Variants in BRS3 observed in about 807,000 individuals in gnomAD.
BRS3 encodes the protein bombesin receptor subtype-3.
A neutral mutation model predicts 18.8 loss-of-function variants in BRS3; 5 were observed. That is an observed-to-expected ratio of 0.27 (90% confidence interval 0.14 to 0.56). BRS3 has a LOEUF of 0.56. Ranked by LOEUF, BRS3 falls within the 20% of genes least tolerant of loss-of-function variation. The pLI, the probability that BRS3 is intolerant of heterozygous loss-of-function variation, is 0.93. For synonymous variants in BRS3, 121 were observed against 115.0 expected (o/e 1.05, Z -0.33); for missense variants, 215 against 296.3 (o/e 0.73, Z 2.01).
chrX:136,490,119 T>A lies in BRS3; in HGVS notation c.435-14T>A, dbSNP rs773147695. On this transcript the variant is annotated splice_polypyrimidine_tract_variant and intron_variant, in intron 1 of 2. Transcript: ENST00000370648. ...CATTTATTTGGACCTTTGCCTCTGA[T>A]TATGTGTTTCTAGATACAAGGCAGT... 1 of 1,164,746 alleles carries A rather than the reference T, an allele frequency of 8.6e-7. No individual in the cohort carries two copies. Among genetic ancestry groups the A allele is most frequent in the African/African-American group, 1.8e-5 (1 of 55,633 alleles).
chrX:136,492,525 C>T lies in BRS3; in HGVS notation c.*150C>T. On this transcript the variant is annotated 3_prime_UTR_variant, in exon 3 of 3. Coordinates refer to ENST00000370648, the MANE Select transcript of BRS3 (RefSeq NM_001727.2). Reference sequence around the variant, plus strand: ...CCCTATAAGTAAGTAAAATACAAACCATTACTTTCTTCAAAGTACAAATAG... The same window carrying T: ...CCCTATAAGTAAGTAAAATACAAACTATTACTTTCTTCAAAGTACAAATAG... The T allele has an allele frequency of 1.9e-6, 1 of 515,644 alleles. No individual in the cohort carries two copies. Among genetic ancestry groups the T allele is most frequent in the Non-Finnish European group, 2.9e-6 (1 of 344,806 alleles). The allele number at this position is 515,644 out of a possible 1,213,427, so 42.5% of individuals were successfully genotyped here. A position where few individuals can be genotyped will look rare whatever the true frequency, so the allele number is the denominator to read the frequency against.
chrX:136,488,667 T>C, intron 1 of BRS3, 119 bp downstream of exon 1: 1 of 721,455 alleles, frequency 1.4e-6, no homozygotes, highest in Non-Finnish European at 2.0e-6. Context: ...GTAACGTGGA[T>C]GTGAGATTGG....
Position 136,488,029 on chromosome X carries a change from C to T in BRS3, c.-86C>T, listed in dbSNP as rs1336333829. 7 of 893,586 alleles carry T rather than the reference C, an allele frequency of 7.8e-6. No homozygotes were observed. The highest frequency in any genetic ancestry group is 1.1e-5 in the Non-Finnish European group (7 of 641,568). 73.6% of individuals were successfully genotyped at this position (893,586 alleles called of 1,213,427 possible). A position where few individuals can be genotyped will look rare whatever the true frequency, so the allele number is the denominator to read the frequency against. ...CTGTTCTGTTCTCCTAATACCATCT[C>T]GTTACTAGACGTAGGCATTGGACGT... On this transcript the variant is annotated 5_prime_UTR_variant, in exon 1 of 3. Coordinates refer to ENST00000370648, the MANE Select transcript of BRS3 (RefSeq NM_001727.2).
At position 136,488,272 on chromosome X, in the gene BRS3, C is replaced by T; in HGVS notation, c.158C>T (p.Thr53Ile). Reference sequence around the variant, plus strand: ...GAAGCATTGTGTGCCATCTATATTACTTATGCTGTGATCATTTCAGTGGGC... The same window carrying T: ...GAAGCATTGTGTGCCATCTATATTATTTATGCTGTGATCATTTCAGTGGGC... ...GIEALCAIYI[T>I]YAVIISVGIL... The change falls in exon 1 of 3, where the codon ACT (threonine) becomes ATT (isoleucine). Residue 53 changes from threonine (T) to isoleucine (I), a missense_variant. Physicochemically the swap from Thr to Ile is moderately conservative, Grantham distance 89. Around this residue, in one of 3 missense-constraint regions of BRS3, gnomAD observed 47 missense variants for 43.1 expected, o/e 1.09. Transcript: ENST00000370648. The T allele has an allele frequency of 8.3e-7, 1 of 1,212,055 alleles. No homozygotes were observed. Among genetic ancestry groups the T allele is most frequent in the Non-Finnish European group, 1.1e-6 (1 of 895,600 alleles).
In BRS3 at chrX:136,491,913, G is replaced by GTGTTTTTTTTTT. The variant is rs773324636; in HGVS notation, c.787-48_787-47insGTTTTTTTTTTT. The GTGTTTTTTTTTT allele has an allele frequency of 2.7e-5, 12 of 436,962 alleles. No individual in the cohort carries two copies. In the African/African-American group the frequency reaches 4.8e-4, roughly 18 times the overall value. 36.0% of individuals were successfully genotyped at this position (436,962 alleles called of 1,213,427 possible). A position where few individuals can be genotyped will look rare whatever the true frequency, so the allele number is the denominator to read the frequency against. ...TTTTTTTGTTGTTGTTGTTTTTTGT[G>GTGTTTTTTTTTT]TTTTTTTTTTTTTTTTTTTTTTTTT... On this transcript the variant is annotated intron_variant, in intron 2 of 2. Coordinates refer to ENST00000370648, the MANE Select transcript of BRS3 (RefSeq NM_001727.2).
intron 1 of BRS3, among the ~76,000 whole-genome samples, chrX:136,489,261 T>A (rs1180544575): frequency 3.6e-5 from 4 of 111,763 alleles, no homozygotes; most frequent in Non-Finnish European, 7.5e-5. Flanking sequence ...TGTTTTTCTG[T>A]GTTCCTATTG....
chrX:136,488,233 A>G lies in BRS3; in HGVS notation c.119A>G (p.Asn40Ser), dbSNP rs759264397. 4 of 1,211,586 alleles carry G rather than the reference A, an allele frequency of 3.3e-6. No homozygotes were observed. Among genetic ancestry groups the G allele is most frequent in the South Asian group, 3.5e-5 (2 of 56,989 alleles). The change falls in exon 1 of 3, where the codon AAC (asparagine) becomes AGC (serine). Residue 40 changes from asparagine (N) to serine (S), a missense_variant. Physicochemically the swap from Asn to Ser is conservative, Grantham distance 46. Around this residue, in one of 3 missense-constraint regions of BRS3, gnomAD observed 47 missense variants for 43.1 expected, o/e 1.09. Transcript: ENST00000370648. ...ACAAATAAAGGATGGAGCGGGGACA[A>G]CTCTCCAGGAATAGAAGCATTGTGT... ...DNTNKGWSGD[N>S]SPGIEALCAI... is the part of the protein sequence containing the mutation.
rs2075658021 is a variant in BRS3, at chrX:136,487,996, ATTCTG to A, written c.-104_-100del. 17 of 687,406 alleles carry A rather than the reference ATTCTG, an allele frequency of 2.5e-5. No homozygotes were observed. The highest frequency in any genetic ancestry group is 3.4e-5 in the Non-Finnish European group (16 of 469,564). The allele number at this position is 687,406 out of a possible 1,213,427, so 56.6% of individuals were successfully genotyped here. The stretch of plus-strand genomic sequence containing the variant: ...TCTGGATGTCTTGGATTTTCTTCCC[ATTCTG>A]TTCTGTTCTGTTCTCCTAATACCAT... On this transcript the variant is annotated 5_prime_UTR_variant, in exon 1 of 3. The change abolishes the stop of an existing upstream ORF in the 5' untranslated region. Transcript: ENST00000370648.
chrX:136,488,253 T>C lies in BRS3; in HGVS notation c.139T>C (p.Leu47=). The C allele has an allele frequency of 8.3e-7, 1 of 1,210,142 alleles. No homozygotes were observed. Among genetic ancestry groups the C allele is most frequent in the Non-Finnish European group, 1.1e-6 (1 of 895,255 alleles). Residue 47 remains leucine (L), a synonymous_variant, in exon 1 of 3, where the codon TTG becomes CTG. Transcript: ENST00000370648. ...GGACAACTCTCCAGGAATAGAAGCA[T>C]TGTGTGCCATCTATATTACTTATGC... ...SGDNSPGIEA[L]CAIYITYAVI... is the part of the protein sequence containing the mutation.
intron 1 of BRS3, 111 bp from the exon 2 acceptor site, chrX:136,490,022 A>G: frequency 1.8e-6 from 1 of 549,932 alleles, no homozygotes; most frequent in Non-Finnish European, 2.9e-6. Context: ...ACTTGGTTAT[A>G]CACATATGCA....
At position 136,492,166 on chromosome X, in the gene BRS3, T is replaced by C; in HGVS notation, c.991T>C (p.Tyr331His). ...SNSCVNPFAL[Y>H]WLSKSFQKHF... is the part of the protein sequence containing the mutation. ...TTCTTGCGTAAACCCCTTTGCTCTC[T>C]ACTGGCTGAGCAAAAGCTTCCAGAA... The change falls in exon 3 of 3, where the codon TAC becomes CAC. Residue 331 changes from tyrosine to histidine, a missense_variant. Around this residue, in one of 3 missense-constraint regions of BRS3, gnomAD observed 123 missense variants for 207.6 expected, o/e 0.59. Coordinates refer to ENST00000370648, the MANE Select transcript of BRS3 (RefSeq NM_001727.2). 1.7e-6 allele frequency: 2 copies of C among 1,211,694 alleles called. No individual in the cohort carries two copies. The highest frequency in any genetic ancestry group is 2.2e-6 in the Non-Finnish European group (2 of 895,481).
intron 2 of BRS3, 51 bp from the exon 3 acceptor site, chrX:136,491,911 G>GTGTTTTTTTTTT (rs2075670707): frequency 1.7e-6 from 1 of 600,190 alleles, no homozygotes; most frequent in Admixed American, 9.1e-5. Flanking sequence ...GTTGTTTTTT[G>GTGTTTTTTTTTT]TGTTTTTTTT....
At position 136,492,029 on chromosome X, in the gene BRS3, T is replaced by C; in HGVS notation, c.854T>C (p.Leu285Ser). 8.3e-7 allele frequency: 1 copy of C among 1,207,367 alleles called. No homozygotes were observed. The highest frequency in any genetic ancestry group is 1.8e-5 in the South Asian group (1 of 56,695). ...GTGGCTCTGTTTGCCCTCTGCTGGT[T>C]GCCAAATCACCTCCTGTACCTCTAC... ...VLVALFALCW[L>S]PNHLLYLYHS... is the part of the protein sequence containing the mutation. The change falls in exon 3 of 3, where the codon TTG becomes TCG. Residue 285 changes from leucine to serine, a missense_variant. Transcript: ENST00000370648.
At chrX:136,491,913 GTTTTTTTTTTTT>G in intron 2 of BRS3, 37 bp from the exon 3 acceptor site, 4 of 435,521 alleles carry the variant, frequency 9.2e-6, no homozygotes, top group Non-Finnish European at 1.1e-5. Flanking sequence ...TGTTTTTTGT[GTTTTTTTTTTTT>G]TTTTTTTTTT....
At chrX:136,490,566 ATCTTCCTGTTTAT>A in intron 2 of BRS3, 82 bp downstream of exon 2, 1 of 767,226 alleles carries the variant, frequency 1.3e-6, no homozygotes, top group Non-Finnish European at 1.8e-6. Flanking sequence ...GTAACTGTGT[ATCTTCCTGTTTAT>A]AAATGCAATA....
chrX:136,489,666 C>T (rs2075663049), intron 1 of BRS3, among the ~76,000 whole-genome samples: 1 of 111,319 alleles, frequency 9.0e-6, no homozygotes, highest in African/African-American at 3.3e-5. Flanking sequence ...ACCACATAAA[C>T]CCTTGGAATT....
In BRS3 at chrX:136,490,569, T is replaced by A. The variant is rs941455575; in HGVS notation, c.786+85T>A. ...TTTGCACAGTGAGTAACTGTGTATC[T>A]TCCTGTTTATAAATGCAATAGCAGT... On this transcript the variant is annotated intron_variant, in intron 2 of 2. Coordinates refer to ENST00000370648, the MANE Select transcript of BRS3 (RefSeq NM_001727.2). The A allele has an allele frequency of 3.9e-5, 29 of 735,550 alleles. No homozygotes were observed. In the Admixed American group the frequency reaches 4.4e-4, roughly 11 times the overall value. 60.6% of individuals were successfully genotyped at this position (735,550 alleles called of 1,213,427 possible). A position where few individuals can be genotyped will look rare whatever the true frequency, so the allele number is the denominator to read the frequency against.
At position 136,488,052 on chromosome X, in the gene BRS3, C is replaced by T. The variant is rs751766496; in HGVS notation, c.-63C>T. On this transcript the variant is annotated 5_prime_UTR_variant, in exon 1 of 3. In the 5' UTR this introduces an upstream ATG that the reference lacks. Transcript: ENST00000370648. ...CTCGTTACTAGACGTAGGCATTGGACGTGACAATCAACTGCATTTGAACTG... is the reference window on the plus strand; with the variant it reads ...CTCGTTACTAGACGTAGGCATTGGATGTGACAATCAACTGCATTTGAACTG... 1.4e-5 allele frequency: 15 copies of T among 1,053,749 alleles called. No homozygotes were observed. The East Asian group carries it at 2.1e-4, about 15-fold the overall frequency. 86.8% of individuals were successfully genotyped at this position (1,053,749 alleles called of 1,213,427 possible).
chrX:136,488,186 C>T lies in BRS3; in HGVS notation c.72C>T (p.Ser24=). ...TCACAAATGACACAGAATCATCAAGCTCTGTGGTTTCTAACGATAACACAA... is the reference window on the plus strand; with the variant it reads ...TCACAAATGACACAGAATCATCAAGTTCTGTGGTTTCTAACGATAACACAA... The part of the protein sequence containing the change: ...ISITNDTESS[S]SVVSNDNTNK... Residue 24 remains serine, a synonymous_variant, in exon 1 of 3, where the codon AGC becomes AGT. Coordinates refer to ENST00000370648, the MANE Select transcript of BRS3 (RefSeq NM_001727.2). The T allele has an allele frequency of 3.3e-6, 4 of 1,211,244 alleles. No homozygotes were observed. The highest frequency in any genetic ancestry group is 4.5e-6 in the Non-Finnish European group (4 of 895,107).
Sources: allele counts gnomAD v4.1 joint callset (sites outside exome capture counted in the v4.1 genomes callset), GRCh38; gene constraint gnomAD v4.1.1; regional missense constraint gnomAD v4.1.1; transcripts MANE v1.5; gene names NCBI Gene and HGNC (gene_info 2026-07-23, HGNC 2026-07-21).